GYG2: variants seen among roughly 807,000 people sequenced by gnomAD.
GYG2 encodes the protein glycogenin-2.
Under a neutral mutation model 29.4 loss-of-function variants are expected in GYG2, and 29 were observed. The observed-to-expected ratio is 0.99, with a 90% CI of 0.74 to 1.35. GYG2 has a LOEUF of 1.35. Among genes scored for constraint, GYG2 ranks in the 40% most tolerant of loss-of-function variants. The pLI is 0.00. For missense variants in GYG2, 370 were observed against 385.7 expected (o/e 0.96, Z 0.34); for synonymous variants, 167 against 172.3 (o/e 0.97, Z 0.24).
At chrX:2,859,275 T>C (rs2088096489) in intron 6 of GYG2, among the ~76,000 whole-genome samples, 1 of 57,518 alleles carries the variant, frequency 1.7e-5, no homozygotes, top group African/African-American at 4.1e-5. Flanking sequence ...ATATATTGAT[T>C]ACTATAGTAG....
At chrX:2,861,478 G>C in intron 7 of GYG2, 44 bp from the exon 8 acceptor site, 5 of 1,067,514 alleles carry the variant, frequency 4.7e-6, no homozygotes, top group Non-Finnish European at 6.5e-6. Flanking sequence ...GGTGAATTGA[G>C]GAGACATAGG....
chrX:2,877,916 G>T, intron 10 of GYG2: 1 of 749,002 alleles, frequency 1.3e-6, no homozygotes, highest in South Asian at 6.8e-5. Context: ...TAGACTGAAA[G>T]TTGGTATTGA....
intron 9 of GYG2, 81 bp downstream of exon 9, chrX:2,875,995 T>C (rs2147271903): frequency 2.5e-6 from 1 of 400,046 alleles, no homozygotes; most frequent in South Asian, 5.3e-5. Context: ...CCCCATTACA[T>C]ACCAGTGGGG....
intron 8 of GYG2, among the ~76,000 whole-genome samples, chrX:2,866,303 T>C (rs183326153): frequency 7.2e-5 from 8 of 111,823 alleles, no homozygotes; most frequent in African/African-American, 2.6e-4. Flanking sequence ...GAGACCAGCC[T>C]GAGCAACATA....
At chrX:2,853,847 G>A (rs1050836278) in intron 3 of GYG2, 133 bp from the exon 4 acceptor site, 8 of 476,166 alleles carry the variant, frequency 1.7e-5, no homozygotes, top group Admixed American at 6.5e-5. Context: ...CATGGAGACC[G>A]CAGTGAGGGC....
chrX:2,877,852 T>C, intron 10 of GYG2: 1 of 752,532 alleles, frequency 1.3e-6, no homozygotes, highest in East Asian at 1.5e-4. Flanking sequence ...GATCTAATAA[T>C]GCCATTTGGT....
intron 2 of GYG2, among the ~76,000 whole-genome samples, chrX:2,832,397 C>T (rs1385325182): frequency 1.5e-5 from 1 of 67,438 alleles, no homozygotes; most frequent in Non-Finnish European, 3.5e-5. Flanking sequence ...ATAAAACTCT[C>T]ACTCTAAATG....
At chrX:2,866,745 C>T (rs1388871401) in intron 8 of GYG2, among the ~76,000 whole-genome samples, 1 of 111,275 alleles carries the variant, frequency 9.0e-6, no homozygotes, top group Non-Finnish European at 1.9e-5. Context: ...GACCGGATCA[C>T]TGAATATTGT....
At position 2,844,559 on chromosome X, in the gene GYG2, T is replaced by C. The variant is rs755319207; in HGVS notation, c.149+1205T>C. The stretch of plus-strand genomic sequence containing the variant: ...ATATGTGTATACGCACACGCATGCG[T>C]ATATGTGTATACGCACACGCATGCG... On this transcript the variant is annotated intron_variant, in intron 3 of 10. Transcript: ENST00000398806. 2.7e-3 allele frequency among the ~76,000 whole-genome samples: 218 copies of C among 81,233 alleles called. 19 individuals carry two copies. Among genetic ancestry groups the C allele is most frequent in the African/African-American group, 9.6e-3 (197 of 20,439 alleles). The allele number at this position is 81,233 out of a possible 115,157, so 70.5% of individuals were successfully genotyped here. A position where few individuals can be genotyped will look rare whatever the true frequency, so the allele number is the denominator to read the frequency against.
intron 8 of GYG2, among the ~76,000 whole-genome samples, chrX:2,862,268 C>G (rs1199170172): frequency 2.7e-5 from 3 of 111,112 alleles, no homozygotes; most frequent in Non-Finnish European, 5.7e-5. Flanking sequence ...AGGAACCAAC[C>G]CTGCCGACAA....
At chrX:2,874,086 AAAAAT>A (rs1003736013) in intron 8 of GYG2, among the ~76,000 whole-genome samples, 3 of 103,431 alleles carry the variant, frequency 2.9e-5, no homozygotes, top group Non-Finnish European at 6.0e-5. Flanking sequence ...ACTCTGTCTC[AAAAAT>A]AAAATAAAAT....
rs760996334 is a variant in GYG2, at chrX:2,858,471, A to G, written c.615-1372A>G. ...ACAGAGCAAGCCTCAGCTCAGGAGA[A>G]AAAAAAAAGAAAGAATCCACACGGA... On this transcript the variant is annotated intron_variant, in intron 6 of 10. Transcript: ENST00000398806. Among the ~76,000 whole-genome samples the G allele has an allele frequency of 8.2e-5, 9 of 109,339 alleles. No homozygotes were observed. In the East Asian group the frequency reaches 2.0e-3, roughly 24 times the overall value. The allele number at this position is 109,339 out of a possible 115,157, so 94.9% of individuals were successfully genotyped here. A position where few individuals can be genotyped will look rare whatever the true frequency, so the allele number is the denominator to read the frequency against.
intron 2 of GYG2, among the ~76,000 whole-genome samples, chrX:2,838,439 C>CCTCCTCTCCT (rs2087424618): frequency 2.2e-5 from 1 of 45,059 alleles, no homozygotes; most frequent in Non-Finnish European, 5.0e-5. Flanking sequence ...TCTCCTCTCC[C>CCTCCTCTCCT]CTCCCCTCCC....
At position 2,881,409 on chromosome X, in the gene GYG2, TCTC is replaced by T. The variant is rs2088718627; in HGVS notation, c.*198_*200del. 2.7e-6 allele frequency: 1 copy of T among 369,711 alleles called. No homozygotes were observed. Among genetic ancestry groups the T allele is most frequent in the Non-Finnish European group, 4.5e-6 (1 of 220,356 alleles). The allele number at this position is 369,711 out of a possible 1,213,427, so 30.5% of individuals were successfully genotyped here. Reference sequence around the variant, plus strand: ...CACCTTAAAGCCCCTCGCCCCAACTTCTCCACCAACGCCTTCTGGGCTTTCTTC... The same window carrying T: ...CACCTTAAAGCCCCTCGCCCCAACTTCACCAACGCCTTCTGGGCTTTCTTC... On this transcript the variant is annotated 3_prime_UTR_variant, in exon 11 of 11. Transcript: ENST00000398806.
rs1165166565 is a variant in GYG2 at position 2,854,037 on chromosome X, C to T, written c.207C>T (p.Ala69=). 8.4e-6 allele frequency: 10 copies of T among 1,193,573 alleles called. No homozygotes were observed. The highest frequency in any genetic ancestry group is 1.1e-5 in the Non-Finnish European group (10 of 880,342). The change falls in exon 4 of 11, where the codon GCC becomes GCT. Residue 69 remains alanine, a synonymous_variant. Transcript: ENST00000398806. ...EVIEVNLIDS[A]DYIHLAFLKR... is the part of the protein sequence containing the mutation. ...TTGAAGTGAATCTAATCGATAGTGC[C>T]GACTACATCCACCTGGCCTTTCTGA...
At chrX:2,871,935 G>C (rs894415006) in intron 8 of GYG2, among the ~76,000 whole-genome samples, 1 of 111,633 alleles carries the variant, frequency 9.0e-6, no homozygotes, top group Admixed American at 9.5e-5. Flanking sequence ...TAATGCAAAG[G>C]AGTGCTTCCT....
At chrX:2,879,202 A>G (rs932733073) in intron 10 of GYG2, among the ~76,000 whole-genome samples, 3 of 93,444 alleles carry the variant, frequency 3.2e-5, no homozygotes, top group African/African-American at 1.1e-4. Context: ...TAAAAACTCA[A>G]ATTTATCTTT....
chrX:2,844,461 C>T lies in GYG2; in HGVS notation c.149+1107C>T, dbSNP rs753325170. On this transcript the variant is annotated intron_variant, in intron 3 of 10. Transcript: ENST00000398806. ...TCCAGTTCAAATATATATGTATATA[C>T]ACACACGTATGCATATATATGTGTA... Among the ~76,000 whole-genome samples the T allele has an allele frequency of 4.5e-5, 5 of 110,194 alleles. No individual in the cohort carries two copies. In the South Asian group the frequency reaches 1.9e-3, roughly 42 times the overall value.
At position 2,881,919 on chromosome X, in the gene GYG2, A is replaced by G. The variant is rs1009991552; in HGVS notation, c.*706A>G. On this transcript the variant is annotated 3_prime_UTR_variant, in exon 11 of 11. Transcript: ENST00000398806. ...TTCACTTCCTGGTTGAGAAGCAACG[A>G]GGGCTTGCTCTAAATCGTTTAGAGG... 1.8e-5 allele frequency: 2 copies of G among 110,968 alleles called. No individual in the cohort carries two copies. The highest frequency in any genetic ancestry group is 6.6e-5 in the African/African-American group (2 of 30,468). 9.1% of individuals were successfully genotyped at this position (110,968 alleles called of 1,213,427 possible).
Sources: gnomAD v4.1 joint callset for allele counts (sites outside exome capture counted in the v4.1 genomes callset) on GRCh38, gnomAD v4.1.1 for gene constraint, MANE v1.5 for transcripts, NCBI Gene and HGNC (gene_info 2026-07-23, HGNC 2026-07-21) for gene names.